LOXL2: variants seen among roughly 807,000 people sequenced by gnomAD.
LOXL2 encodes the protein lysyl oxidase like 2, also known as lysyl oxidase homolog 2.
LOXL2 carries 70 observed loss-of-function variants against 93.0 expected under a neutral mutation model. The observed-to-expected ratio is 0.75, with a 90% CI of 0.62 to 0.92. The LOEUF (loss-of-function observed/expected upper bound fraction) is 0.92. Ranked by LOEUF, LOXL2 falls within the 40% of genes least tolerant of loss-of-function variation. The probability of loss-of-function intolerance (pLI) is 0.00; values close to 1 mark genes in which losing one functional copy is unlikely to be tolerated. For synonymous variants in LOXL2, 438 were observed against 413.2 expected (o/e 1.06, Z -0.73); for missense variants, 973 against 1,054.9 (o/e 0.92, Z 1.08).
intron 8 of LOXL2, among the ~76,000 whole-genome samples, chr8:23,319,484 C>T (rs1055643801): frequency 6.6e-6 from 1 of 152,130 alleles, no homozygotes; most frequent in Non-Finnish European, 1.5e-5. Flanking sequence ...CAAGCTAAGG[C>T]GTTTAGCGGG....
intron 3 of LOXL2, among the ~76,000 whole-genome samples, chr8:23,353,783 G>T (rs771415248): frequency 6.6e-6 from 1 of 152,170 alleles, no homozygotes; most frequent in Non-Finnish European, 1.5e-5. Context: ...TGTAAATGAT[G>T]AATGCACACT....
chr8:23,333,060 C>T (rs898940038), intron 5 of LOXL2, among the ~76,000 whole-genome samples: 5 of 152,176 alleles, frequency 3.3e-5, no homozygotes, highest in African/African-American at 1.2e-4. Flanking sequence ...GCAAATGTGT[C>T]GCTGACTGCA....
At chr8:23,362,663 G>A (rs1045986371) in intron 2 of LOXL2, among the ~76,000 whole-genome samples, 2 of 152,188 alleles carry the variant, frequency 1.3e-5, no homozygotes, top group Non-Finnish European at 2.9e-5. Context: ...GAGCCCAGAA[G>A]GTTGAGGCTG....
chr8:23,343,846 C>T (rs1803925510), intron 3 of LOXL2, among the ~76,000 whole-genome samples: 1 of 152,072 alleles, frequency 6.6e-6, no homozygotes, highest in Admixed American at 6.6e-5. Context: ...TAAACCCAGC[C>T]CACAAGCCGG....
rs748190912 is a variant in LOXL2, at chr8:23,316,995, G to A, written c.1590C>T (p.Cys530=). The change falls in exon 9 of 14, where the codon TGC becomes TGT. Residue 530 remains cysteine, a synonymous_variant. Coordinates refer to ENST00000389131, the MANE Select transcript of LOXL2 (RefSeq NM_002318.3). ...CCCCGTACTGCACTCCGCCCTGGGGGCAGGCCACGTCCTCCCCGTCGTGGC... is the reference window on the plus strand; with the variant it reads ...CCCCGTACTGCACTCCGCCCTGGGGACAGGCCACGTCCTCCCCGTCGTGGC... ...HCRHDGEDVA[C]PQGGVQYGAG... 1.2e-5 allele frequency: 19 copies of A among 1,613,856 alleles called. No homozygotes were observed. Among genetic ancestry groups the A allele is most frequent in the East Asian group, 1.1e-4 (5 of 44,890 alleles).
chr8:23,307,008 A>C (rs879697231), intron 10 of LOXL2, among the ~76,000 whole-genome samples: 8 of 152,234 alleles, frequency 5.3e-5, no homozygotes, highest in Non-Finnish European at 1.0e-4. Flanking sequence ...GCTTTCAAAG[A>C]ACAGAGCTCT....
intron 1 of LOXL2, among the ~76,000 whole-genome samples, chr8:23,377,417 T>C (rs1440241071): frequency 6.6e-6 from 1 of 150,726 alleles, no homozygotes; most frequent in Admixed American, 6.7e-5. Flanking sequence ...GTATATTCTG[T>C]TGATTTGGGA....
intron 6 of LOXL2, 32 bp downstream of exon 6, chr8:23,328,350 G>A (rs1187133923): frequency 3.1e-6 from 5 of 1,607,982 alleles, no homozygotes; most frequent in South Asian, 2.2e-5. Context: ...CTCCCAGGAA[G>A]AGAGGCCCCC....
intron 3 of LOXL2, among the ~76,000 whole-genome samples, chr8:23,349,003 C>G (rs1168633683): frequency 1.5e-5 from 2 of 132,546 alleles, no homozygotes; most frequent in Non-Finnish European, 3.0e-5. Flanking sequence ...ATGCCCTCAA[C>G]TCTTCCTCTT....
chr8:23,351,801 T>C (rs1007034752), intron 3 of LOXL2, among the ~76,000 whole-genome samples: 1 of 152,176 alleles, frequency 6.6e-6, no homozygotes, highest in African/African-American at 2.4e-5. Flanking sequence ...ACATATAGAC[T>C]CTTAGTAAAT....
intron 3 of LOXL2, among the ~76,000 whole-genome samples, chr8:23,354,661 C>A (rs549066679): frequency 3.5e-4 from 53 of 151,700 alleles, no homozygotes; most frequent in African/African-American, 1.2e-3. Flanking sequence ...CAATATCCAG[C>A]TGGGCACACA....
At chr8:23,306,670 C>G (rs918243064) in intron 10 of LOXL2, among the ~76,000 whole-genome samples, 7 of 152,228 alleles carry the variant, frequency 4.6e-5, no homozygotes, top group African/African-American at 1.7e-4. Flanking sequence ...CATCCCTGAC[C>G]CGGAGGACTG....
intron 2 of LOXL2, chr8:23,365,492 C>G (rs968150152): frequency 6.7e-6 from 1 of 149,340 alleles, no homozygotes; most frequent in Non-Finnish European, 1.5e-5. Flanking sequence ...CAGCTTAACT[C>G]GTAAAGCCGT....
intron 4 of LOXL2, among the ~76,000 whole-genome samples, chr8:23,334,421 T>C (rs1295249372): frequency 6.6e-6 from 1 of 152,230 alleles, no homozygotes; most frequent in Non-Finnish European, 1.5e-5. Flanking sequence ...TATACAAGAT[T>C]AAATTTGTAT....
intron 1 of LOXL2, chr8:23,382,242 G>C (rs1257795303): frequency 1.3e-5 from 2 of 152,354 alleles, no homozygotes; most frequent in East Asian, 3.9e-4. Context: ...CAGCGGCCAG[G>C]CACAGTGGCT....
At chr8:23,360,403 A>C (rs1804270705) in intron 2 of LOXL2, 138 bp from the exon 3 acceptor site, 1 of 607,660 alleles carries the variant, frequency 1.6e-6, no homozygotes, top group South Asian at 2.1e-5. Context: ...TTTTTATTAT[A>C]TTAAGATATT....
At chr8:23,367,092 A>G (rs1183152231) in intron 2 of LOXL2, among the ~76,000 whole-genome samples, 1 of 152,164 alleles carries the variant, frequency 6.6e-6, no homozygotes, top group Non-Finnish European at 1.5e-5. Context: ...TCTGTCACCC[A>G]GGCTGGAGTG....
chr8:23,325,231 C>T (rs538749544), intron 6 of LOXL2, among the ~76,000 whole-genome samples: 13 of 152,168 alleles, frequency 8.5e-5, no homozygotes, highest in Non-Finnish European at 1.6e-4. Flanking sequence ...TTAAAGCTAA[C>T]GTCATCTTTT....
intron 1 of LOXL2, among the ~76,000 whole-genome samples, chr8:23,372,872 A>C (rs1372751976): frequency 6.6e-6 from 1 of 152,252 alleles, no homozygotes. Context: ...TGTGAATGAC[A>C]TAATTAACAA....
Sources: gnomAD v4.1 joint callset for allele counts (sites outside exome capture counted in the v4.1 genomes callset) on GRCh38, gnomAD v4.1.1 for gene constraint, MANE v1.5 for transcripts, NCBI Gene and HGNC (gene_info 2026-07-23, HGNC 2026-07-21) for gene names.